The following ASH2L variants were observed in gnomAD, a reference collection of about 807,000 sequenced individuals.
ASH2L encodes the protein set1/Ash2 histone methyltransferase complex subunit ASH2.
Under a neutral mutation model 81.1 loss-of-function variants are expected in ASH2L, and 30 were observed. The ratio of observed to expected loss-of-function variants is 0.37; its 90% CI spans 0.28 to 0.50. The LOEUF (loss-of-function observed/expected upper bound fraction) is 0.50. Among genes scored for constraint, ASH2L ranks in the 20% least tolerant of loss-of-function variants. The probability of loss-of-function intolerance (pLI) is 0.95; values close to 1 mark genes in which losing one functional copy is unlikely to be tolerated. For missense variants in ASH2L, 559 were observed against 792.1 expected, an observed-to-expected ratio of 0.71 and a Z score of 3.53; for synonymous variants, 273 against 279.9, an observed-to-expected ratio of 0.98 and a Z score of 0.24.
intron 3 of ASH2L, among the ~76,000 whole-genome samples, chr8:38,107,868 ATGTGTGTG>A (rs10542885): frequency 0.037 from 5,296 of 141,468 alleles, 277 homozygotes; most frequent in East Asian, 0.24. Flanking sequence ...AAATACATAT[ATGTGTGTG>A]TGTGTGTGTG....
intron 8 of ASH2L, among the ~76,000 whole-genome samples, chr8:38,117,149 A>G (rs767609280): frequency 1.3e-5 from 2 of 151,920 alleles, no homozygotes; most frequent in African/African-American, 2.4e-5. Context: ...TAGCATTTCT[A>G]TATTAACCAC....
At chr8:38,112,022 T>C (rs552394827) in intron 5 of ASH2L, among the ~76,000 whole-genome samples, 86 of 152,318 alleles carry the variant, frequency 5.6e-4, no homozygotes, top group African/African-American at 1.7e-3. Flanking sequence ...ACAATTCCTT[T>C]ATTCAGTTGG....
intron 10 of ASH2L, chr8:38,123,307 A>G (rs1414146292): frequency 2.6e-5 from 4 of 151,506 alleles, no homozygotes; most frequent in African/African-American, 9.7e-5. Context: ...GCTGGTCTTG[A>G]ACTCTGGACC....
intron 8 of ASH2L, 21 bp downstream of exon 8, chr8:38,116,746 T>C (rs756900052): frequency 1.9e-6 from 3 of 1,589,578 alleles, no homozygotes; most frequent in Non-Finnish European, 2.6e-6. Flanking sequence ...ACATATCTCA[T>C]TGCTGAAATA....
intron 13 of ASH2L, among the ~76,000 whole-genome samples, chr8:38,134,849 A>C (rs903818325): frequency 5.3e-5 from 8 of 152,210 alleles, no homozygotes; most frequent in African/African-American, 1.9e-4. Flanking sequence ...TTTTCTGAAG[A>C]ATTGAAGTGG....
intron 3 of ASH2L, among the ~76,000 whole-genome samples, chr8:38,109,592 T>G (rs1222420707): frequency 3.3e-5 from 5 of 152,230 alleles, no homozygotes; most frequent in African/African-American, 1.2e-4. Flanking sequence ...CTCTGTTGCA[T>G]CCGTCTCTGC....
intron 3 of ASH2L, 139 bp downstream of exon 3, chr8:38,107,305 T>C: frequency 2.7e-6 from 3 of 1,119,820 alleles, no homozygotes; most frequent in Non-Finnish European, 3.9e-6. Flanking sequence ...GGATGTTGAA[T>C]CAGGAGTTGT....
In ASH2L at chr8:38,105,568, A is replaced by G. The variant is rs1336326894; in HGVS notation, c.18A>G (p.Ala6=). 3.2e-6 allele frequency: 5 copies of G among 1,578,502 alleles called. No homozygotes were observed. The Admixed American group carries it at 5.4e-5, about 17-fold the overall frequency. Residue 6 remains alanine (A), a synonymous_variant, in exon 1 of 16, where the codon GCA becomes GCG. Transcript: ENST00000343823. MAAAG[A]GPGQEAGAGP... ...TGGCCGTGATGGCGGCGGCAGGAGC[A>G]GGACCTGGCCAGGAAGCGGGTGCCG...
Position 38,107,137 on chromosome 8 carries a change from C to T in ASH2L, c.372C>T (p.Phe124=), listed in dbSNP as rs1425564317. The change falls in exon 3 of 16, where the codon TTC becomes TTT. Residue 124 remains phenylalanine (F), a synonymous_variant. Coordinates refer to ENST00000343823, the MANE Select transcript of ASH2L (RefSeq NM_004674.5). ...ELQCGICTKW[F]TADTFGIDTS... is the part of the protein sequence containing the mutation. ...AATGTGGGATTTGTACAAAATGGTT[C>T]ACGGCTGACACATTTGGCATAGATA... The T allele has an allele frequency of 6.2e-7, 1 of 1,614,094 alleles. No homozygotes were observed.
intron 8 of ASH2L, among the ~76,000 whole-genome samples, chr8:38,118,065 AC>A (rs1810982558): frequency 6.6e-6 from 1 of 152,224 alleles, no homozygotes; most frequent in Admixed American, 6.5e-5. Context: ...TCTCAAAAAA[AC>A]AAAAATTTAA....
Position 38,119,189 on chromosome 8 carries a change from G to T in ASH2L, c.854-81G>T, listed in dbSNP as rs868760667. Reference sequence around the variant, plus strand: ...GGTGTTACACAAATGCACATTGGGTGTGTTGGTCCCTATGGAATTTCAGTA... The same window carrying T: ...GGTGTTACACAAATGCACATTGGGTTTGTTGGTCCCTATGGAATTTCAGTA... On this transcript the variant is annotated intron_variant, in intron 8 of 15. Transcript: ENST00000343823. 46 of 1,242,280 alleles carry T rather than the reference G, an allele frequency of 3.7e-5. No homozygotes were observed. In the African/African-American group the frequency reaches 6.2e-4, roughly 17 times the overall value. The allele number at this position is 1,242,280 out of a possible 1,614,324, so 77.0% of individuals were successfully genotyped here.
rs774953379 is a variant in ASH2L, at chr8:38,110,399, C to T, written c.422C>T (p.Thr141Ile). 1 of 1,614,112 alleles carries T rather than the reference C, an allele frequency of 6.2e-7. No homozygotes were observed. Among genetic ancestry groups the T allele is most frequent in the Non-Finnish European group, 8.5e-7 (1 of 1,179,962 alleles). The change falls in exon 4 of 16, where the codon ACC becomes ATC. Residue 141 changes from threonine to isoleucine, a missense_variant. Coordinates refer to ENST00000343823, the MANE Select transcript of ASH2L (RefSeq NM_004674.5). ...IDTSSCLPFM[T>I]NYSFHCNVCH... ...GGCAGATCCTGTCTACCTTTCATGA[C>T]CAACTACAGTTTTCATTGCAACGTC...
rs1168185553 is a variant in ASH2L, at chr8:38,135,709, C to G, written c.1662C>G (p.Tyr554Ter). The change falls in exon 14 of 16, where the codon TAC (tyrosine) becomes TAG (stop). Residue 554 changes from tyrosine to a stop codon, truncating the protein, a stop_gained. Transcript: ENST00000343823. LOFTEE classifies it high-confidence loss of function. ...YKNGVNQGVA[Y>*]KDIFEGVYFP... is the part of the protein sequence containing the mutation. The stretch of plus-strand genomic sequence containing the variant: ...ATGGTGTCAATCAAGGTGTGGCTTA[C>G]AAAGATATTTTTGAGGGGGTTTACT... 6.2e-7 allele frequency: 1 copy of G among 1,612,784 alleles called. No homozygotes were observed. The highest frequency in any genetic ancestry group is 8.5e-7 in the Non-Finnish European group (1 of 1,179,438).
chr8:38,122,037 T>A (rs1057057391), intron 10 of ASH2L, among the ~76,000 whole-genome samples: 1 of 152,236 alleles, frequency 6.6e-6, no homozygotes, highest in African/African-American at 2.4e-5. Flanking sequence ...CTGTGTTGTA[T>A]GATGATTTTC....
rs1048321553 is a variant in ASH2L at position 38,139,007 on chromosome 8, C to T, written c.1823C>T (p.Ala608Val). ...GGCGCCGTGGTAGAGCACACCCTGG[C>T]TGACGTCTTGTATCACGTGGAGACA... ...GWGAVVEHTL[A>V]DVLYHVETEV... The change falls in exon 16 of 16, where the codon GCT (alanine) becomes GTT (valine). Residue 608 changes from alanine (A) to valine (V), a missense_variant. Ala to Val is a moderately conservative substitution (Grantham distance 64, BLOSUM62 0). This residue lies in a region of ASH2L where 95 missense variants were observed against 130.7 expected (regional missense o/e 0.73). Coordinates refer to ENST00000343823, the MANE Select transcript of ASH2L (RefSeq NM_004674.5). 6.2e-7 allele frequency: 1 copy of T among 1,613,242 alleles called. No homozygotes were observed. The highest frequency in any genetic ancestry group is 8.5e-7 in the Non-Finnish European group (1 of 1,179,652).
At chr8:38,106,154 A>G in intron 1 of ASH2L, 1 of 1,532,008 alleles carries the variant, frequency 6.5e-7, no homozygotes, top group Non-Finnish European at 8.7e-7. Flanking sequence ...ATTTGACTGT[A>G]AAGGCCGGTT....
In ASH2L at chr8:38,120,810, G is replaced by A. The variant is rs958456271; in HGVS notation, c.948-122G>A. The A allele has an allele frequency of 1.2e-5, 9 of 745,254 alleles. No homozygotes were observed. The African/African-American group carries it at 1.4e-4, about 12-fold the overall frequency. 46.2% of individuals were successfully genotyped at this position (745,254 alleles called of 1,614,324 possible). A position where few individuals can be genotyped will look rare whatever the true frequency, so the allele number is the denominator to read the frequency against. On this transcript the variant is annotated intron_variant, in intron 9 of 15. Coordinates refer to ENST00000343823, the MANE Select transcript of ASH2L (RefSeq NM_004674.5). ...GAGTTACTTATTTGAGTAATGAGAAGTATTTGCTGTGAAGTTGCATGTATT... is the reference window on the plus strand; with the variant it reads ...GAGTTACTTATTTGAGTAATGAGAAATATTTGCTGTGAAGTTGCATGTATT...
chr8:38,107,521 C>G (rs1810491213), intron 3 of ASH2L, among the ~76,000 whole-genome samples: 3 of 152,064 alleles, frequency 2.0e-5, no homozygotes, highest in Admixed American at 2.0e-4. Flanking sequence ...GTGGATAAAG[C>G]CTGTTGTCCA....
intron 10 of ASH2L, among the ~76,000 whole-genome samples, chr8:38,127,347 T>G (rs1228623861): frequency 6.6e-6 from 1 of 151,998 alleles, no homozygotes; most frequent in South Asian, 2.1e-4. Context: ...AAAGTTAAAT[T>G]TTTTAAATGA....
Sources: allele counts gnomAD v4.1 joint callset (sites outside exome capture counted in the v4.1 genomes callset), GRCh38; gene constraint gnomAD v4.1.1; regional missense constraint gnomAD v4.1.1; transcripts MANE v1.5; gene names NCBI Gene and HGNC (gene_info 2026-07-23, HGNC 2026-07-21).